The following ESRRB variants were observed in gnomAD, a reference collection of about 807,000 sequenced individuals.
ESRRB encodes steroid hormone receptor ERR2.
ESRRB carries 16 observed loss-of-function variants against 46.0 expected under a neutral mutation model. The ratio of observed to expected loss-of-function variants is 0.35; its 90% CI spans 0.24 to 0.53. The LOEUF is 0.53. Ranked by LOEUF, ESRRB falls within the 20% of genes least tolerant of loss-of-function variation. ESRRB has a pLI of 0.93. For missense variants in ESRRB, 488 were observed against 607.4 expected, an observed-to-expected ratio of 0.80 and a Z score of 2.07; for synonymous variants, 246 against 259.6, an observed-to-expected ratio of 0.95 and a Z score of 0.50.
chr14:76,463,894 G>A (rs1291526473), intron 3 of ESRRB, among the ~76,000 whole-genome samples: 2 of 152,076 alleles, frequency 1.3e-5, no homozygotes, highest in Non-Finnish European at 2.9e-5. Context: ...ATAGAGGCAA[G>A]GTCTTGCCAT....
At chr14:76,458,116 G>T (rs1311208016) in intron 2 of ESRRB, among the ~76,000 whole-genome samples, 1 of 152,110 alleles carries the variant, frequency 6.6e-6, no homozygotes, top group Non-Finnish European at 1.5e-5. Flanking sequence ...ACACTCCCAG[G>T]TTAGAACCTG....
intron 1 of ESRRB, among the ~76,000 whole-genome samples, chr14:76,333,142 T>TTATATATTA (rs1566853840): frequency 8.0e-4 from 4 of 4,996 alleles, no homozygotes; most frequent in African/African-American, 2.1e-3. Flanking sequence ...ATATTATATA[T>TTATATATTA]TATATATTAT....
chr14:76,360,143 C>G lies in ESRRB; in HGVS notation c.2+49227C>G, dbSNP rs796915951. Among the ~76,000 whole-genome samples the G allele has an allele frequency of 1.1e-4, 17 of 152,310 alleles. 1 individual carries two copies. The highest frequency in any genetic ancestry group is 3.8e-4 in the African/African-American group (16 of 41,568). On this transcript the variant is annotated intron_variant, in intron 1 of 6. Transcript: ENST00000512784. ...TTCTCTTCCTCCCTCTCTGAGTGAG[C>G]ATGGCAGGTGGAGAGTGCCCTGCTG...
intron 1 of ESRRB, among the ~76,000 whole-genome samples, chr14:76,341,401 C>T (rs1884190515): frequency 6.6e-6 from 1 of 152,256 alleles, no homozygotes. Context: ...GCAAACAGTT[C>T]ATGTACTCCC....
Position 76,495,728 on chromosome 14 carries a change from T to G in ESRRB, c.1121-2486T>G, listed in dbSNP as rs369963286. The G allele has an allele frequency of 3.2e-4, 49 of 152,256 alleles. No individual in the cohort carries two copies. In the East Asian group the frequency reaches 4.2e-3, roughly 13 times the overall value. 9.4% of individuals were successfully genotyped at this position (152,256 alleles called of 1,614,324 possible). Reference sequence around the variant, plus strand: ...TTCAATCCATTACGGACAGATCATTTTGTAAAATACAACAAAAATAAATTA... The same window carrying G: ...TTCAATCCATTACGGACAGATCATTGTGTAAAATACAACAAAAATAAATTA... On this transcript the variant is annotated intron_variant, in intron 6 of 6. Transcript: ENST00000644823.
upstream of ESRRB, among the ~76,000 whole-genome samples, chr14:76,372,858 T>C (rs1884657258): frequency 6.6e-6 from 1 of 152,074 alleles, no homozygotes; most frequent in African/African-American, 2.4e-5. Context: ...AAAGAAAAAC[T>C]TGTCTTTTAA....
At chr14:76,446,767 C>T (rs545095506) in intron 2 of ESRRB, among the ~76,000 whole-genome samples, 1 of 152,250 alleles carries the variant, frequency 6.6e-6, no homozygotes, top group South Asian at 2.1e-4. Flanking sequence ...ATCAATTTCT[C>T]CTTGTATGTG....
chr14:76,383,831 C>T (rs979798314), intron 1 of ESRRB, among the ~76,000 whole-genome samples: 1 of 152,044 alleles, frequency 6.6e-6, no homozygotes, highest in Non-Finnish European at 1.5e-5. Flanking sequence ...GGCTGGCTCA[C>T]GTTTTGGTGA....
chr14:76,469,926 G>GTTTTTTTTTTTTTTTTTTTTTTTTT (rs1356927268), intron 3 of ESRRB, among the ~76,000 whole-genome samples: 2 of 67,648 alleles, frequency 3.0e-5, no homozygotes, highest in African/African-American at 5.1e-5. Flanking sequence ...TGTGTTTTTT[G>GTTTTTTTTTTTTTTTTTTTTTTTTT]TTGTTTTTTT....
chr14:76,498,355 G>A lies in ESRRB; in HGVS notation c.1262G>A (p.Arg421Gln), dbSNP rs1316154782. The change falls in exon 7 of 7, where the codon CGG (arginine) becomes CAG (glutamine). Residue 421 changes from arginine to glutamine, a missense_variant. Coordinates refer to ENST00000644823, the MANE Select transcript of ESRRB (RefSeq NM_001379180.1). ...CTGCTGCTGACACTGCCGCTGCTGC[G>A]GCAGACGGCCGCCAAGGCCGTGCAG... ...GKLLLTLPLL[R>Q]QTAAKAVQHF... The A allele has an allele frequency of 3.7e-6, 6 of 1,612,048 alleles. No homozygotes were observed. Among genetic ancestry groups the A allele is most frequent in the South Asian group, 1.1e-5 (1 of 91,048 alleles).
chr14:76,366,155 G>T (rs543721030), intron 1 of ESRRB, among the ~76,000 whole-genome samples: 64 of 152,280 alleles, frequency 4.2e-4, no homozygotes, highest in African/African-American at 1.5e-3. Flanking sequence ...TGATTGGTTT[G>T]GGGGTGAACA....
intron 3 of ESRRB, among the ~76,000 whole-genome samples, chr14:76,469,926 G>GTTTTTTTTTTTTTTTTTTTTTTTT (rs1356927268): frequency 7.4e-5 from 5 of 67,650 alleles, no homozygotes; most frequent in Admixed American, 1.4e-4. Flanking sequence ...TGTGTTTTTT[G>GTTTTTTTTTTTTTTTTTTTTTTTT]TTGTTTTTTT....
chr14:76,332,766 TA>T (rs1341273503), intron 1 of ESRRB, among the ~76,000 whole-genome samples: 1 of 13,492 alleles, frequency 7.4e-5, no homozygotes, highest in Admixed American at 1.8e-3. Context: ...TATAAATATA[TA>T]ATATATATTA....
chr14:76,443,652 C>T (rs918573927), intron 2 of ESRRB, among the ~76,000 whole-genome samples: 7 of 151,400 alleles, frequency 4.6e-5, no homozygotes, highest in Non-Finnish European at 7.4e-5. Flanking sequence ...ACATTTTCTT[C>T]TCACCATGTT....
chr14:76,412,882 G>A (rs73318303), intron 1 of ESRRB, among the ~76,000 whole-genome samples: 4,759 of 152,244 alleles, frequency 0.031, 130 homozygotes, highest in African/African-American at 0.076. Context: ...TCAGGAGGCC[G>A]GGGCAGGAGG....
intron 3 of ESRRB, among the ~76,000 whole-genome samples, chr14:76,467,384 C>A (rs1233870130): frequency 6.6e-6 from 1 of 151,650 alleles, no homozygotes; most frequent in Non-Finnish European, 1.5e-5. Flanking sequence ...GCATGTAATC[C>A]CAGCTACTCT....
At chr14:76,388,979 A>C (rs1885357550) in intron 1 of ESRRB, among the ~76,000 whole-genome samples, 1 of 152,066 alleles carries the variant, frequency 6.6e-6, no homozygotes, top group Non-Finnish European at 1.5e-5. Flanking sequence ...GTGCAAAATC[A>C]AAGACAGCAT....
rs374571602 is a variant in ESRRB at position 76,376,326 on chromosome 14, C to A, written c.-76C>A. 2 of 1,132,536 alleles carry A rather than the reference C, an allele frequency of 1.8e-6. No individual in the cohort carries two copies. Among genetic ancestry groups the A allele is most frequent in the Non-Finnish European group, 2.2e-6 (2 of 897,466 alleles). The allele number at this position is 1,132,536 out of a possible 1,614,324, so 70.2% of individuals were successfully genotyped here. On this transcript the variant is annotated 5_prime_UTR_variant, in exon 1 of 7. Transcript: ENST00000644823. This position sits in a 1 kb window ranked among gnomAD's most constrained non-coding sequence, Gnocchi z 4.1. Reference sequence around the variant, plus strand: ...GCCCTGCCCGGGCTCGCACCTTGCCCGTGCCCTTCACTCGCTCTTCCGCGT... The same window carrying A: ...GCCCTGCCCGGGCTCGCACCTTGCCAGTGCCCTTCACTCGCTCTTCCGCGT...
In ESRRB at chr14:76,482,001, T is replaced by C; in HGVS notation, c.578-15T>C. 6.2e-7 allele frequency: 1 copy of C among 1,611,956 alleles called. No homozygotes were observed. Among genetic ancestry groups the C allele is most frequent in the Non-Finnish European group, 8.5e-7 (1 of 1,178,014 alleles). On this transcript the variant is annotated splice_polypyrimidine_tract_variant and intron_variant, in intron 3 of 6. Transcript: ENST00000644823. The surrounding 1 kb of genome is among the most constrained non-coding windows in gnomAD (Gnocchi z 4.3). ...TGAACAACTGCTGAGATCTTTTCCCTTTCCTCCCCAATAGGTGTGCGCCTT... is the reference window on the plus strand; with the variant it reads ...TGAACAACTGCTGAGATCTTTTCCCCTTCCTCCCCAATAGGTGTGCGCCTT...
Sources: gnomAD v4.1 joint callset for allele counts (sites outside exome capture counted in the v4.1 genomes callset) on GRCh38, gnomAD v4.1.1 for gene constraint, Gnocchi (gnomAD v3.1) non-coding constraint, MANE v1.5 for transcripts, NCBI Gene and HGNC (gene_info 2026-07-23, HGNC 2026-07-21) for gene names.